CDH13: variants seen among roughly 807,000 people sequenced by gnomAD.
CDH13 encodes cadherin 13, also known as cadherin-13.
Under a neutral mutation model 63.8 loss-of-function variants are expected in CDH13, and 24 were observed. The observed-to-expected ratio is 0.38, with a 90% CI of 0.27 to 0.53. The LOEUF is 0.53. Among genes scored for constraint, CDH13 ranks in the 20% least tolerant of loss-of-function variants. The probability of loss-of-function intolerance (pLI) is 0.85; values close to 1 mark genes in which losing one functional copy is unlikely to be tolerated. For missense variants in CDH13, 1,049 were observed against 903.1 expected, an observed-to-expected ratio of 1.16 and a Z score of -2.07; for synonymous variants, 503 against 355.3, an observed-to-expected ratio of 1.42 and a Z score of -4.67.
intron 1 of CDH13, among the ~76,000 whole-genome samples, chr16:82,663,991 G>C (rs935619423): frequency 6.6e-6 from 1 of 152,128 alleles, no homozygotes; most frequent in Admixed American, 6.5e-5. Flanking sequence ...GACTCTTTTG[G>C]CTCCACTTCT....
chr16:83,211,226 A>G (rs1567509583), intron 4 of CDH13, among the ~76,000 whole-genome samples: 1 of 152,118 alleles, frequency 6.6e-6, no homozygotes, highest in South Asian at 2.1e-4. Flanking sequence ...ATAGTCAAGT[A>G]TCAGTGTTAA....
chr16:82,860,978 C>T (rs368962148), intron 2 of CDH13, among the ~76,000 whole-genome samples: 2 of 152,140 alleles, frequency 1.3e-5, no homozygotes, highest in East Asian at 3.9e-4. Context: ...AAACAAAAAC[C>T]TTCTGTCTCT....
intron 5 of CDH13, among the ~76,000 whole-genome samples, chr16:83,337,652 C>CTTTTTTTATTTTTTTTT: frequency 1.7e-5 from 1 of 57,530 alleles, no homozygotes; most frequent in Non-Finnish European, 3.4e-5. Context: ...TTTTTTTTTG[C>CTTTTTTTATTTTTTTTT]TTTTCAGAAA....
intron 10 of CDH13, among the ~76,000 whole-genome samples, chr16:83,713,496 C>T (rs977205344): frequency 7.4e-5 from 11 of 149,414 alleles, no homozygotes; most frequent in African/African-American, 2.7e-4. Context: ...CATCTCTCAA[C>T]TTTTCTCGTC....
At chr16:83,538,298 C>T (rs1193484349) in intron 7 of CDH13, among the ~76,000 whole-genome samples, 3 of 152,156 alleles carry the variant, frequency 2.0e-5, no homozygotes, top group Admixed American at 1.3e-4. Context: ...TTTTGGTTTA[C>T]ACCGTTTCCC....
At chr16:83,360,907 A>G (rs2091149600) in intron 6 of CDH13, among the ~76,000 whole-genome samples, 1 of 152,248 alleles carries the variant, frequency 6.6e-6, no homozygotes, top group African/African-American at 2.4e-5. Flanking sequence ...TAGTGCTGCA[A>G]CAAACATATG....
rs1217943346 is a variant in CDH13 at position 82,794,830 on chromosome 16, T to C, written c.46-63532T>C. Among the ~76,000 whole-genome samples, 4 of 152,198 alleles carry C rather than the reference T, an allele frequency of 2.6e-5. No individual in the cohort carries two copies. In the South Asian group the frequency reaches 8.3e-4, roughly 32 times the overall value. On this transcript the variant is annotated intron_variant, in intron 1 of 13. Coordinates refer to ENST00000567109, the MANE Select transcript of CDH13 (RefSeq NM_001257.5). ...CTACTTTGGTTCCTTGGAGGCTGAT[T>C]CTTCTGCCTGAATTCCTCTCACAGA...
At position 83,318,490 on chromosome 16, in the gene CDH13, T is replaced by A. The variant is rs116330277; in HGVS notation, c.637-26372T>A. On this transcript the variant is annotated intron_variant, in intron 5 of 13. Coordinates refer to ENST00000567109, the MANE Select transcript of CDH13 (RefSeq NM_001257.5). Reference sequence around the variant, plus strand: ...CAATCATAATCTTCTAAGGTTTGATTTGAATGAAAGATCCCACATGAAACC... The same window carrying A: ...CAATCATAATCTTCTAAGGTTTGATATGAATGAAAGATCCCACATGAAACC... Among the ~76,000 whole-genome samples, 528 of 152,334 alleles carry A rather than the reference T, an allele frequency of 3.5e-3. 3 individuals are homozygous for A. Among genetic ancestry groups the A allele is most frequent in the African/African-American group, 0.012 (499 of 41,574 alleles).
At chr16:83,000,481 C>CACACCTG (rs1310180640) in intron 2 of CDH13, among the ~76,000 whole-genome samples, 2 of 150,536 alleles carry the variant, frequency 1.3e-5, no homozygotes. Flanking sequence ...CTACTGACCT[C>CACACCTG]AGGTGATCCA....
intron 2 of CDH13, among the ~76,000 whole-genome samples, chr16:82,974,358 T>C (rs1243498680): frequency 6.6e-6 from 1 of 152,186 alleles, no homozygotes. Flanking sequence ...CCATGTAGAA[T>C]GCCCACATTG....
intron 2 of CDH13, chr16:82,884,391 T>G: frequency 2.9e-6 from 1 of 346,440 alleles, no homozygotes. Flanking sequence ...AGTAACAAAA[T>G]GAGACTCCTT....
chr16:83,698,740 A>G (rs115463297), intron 10 of CDH13, among the ~76,000 whole-genome samples: 119 of 152,294 alleles, frequency 7.8e-4, no homozygotes, highest in African/African-American at 2.8e-3. Context: ...CTTGCCCTGT[A>G]TTGTCTTCTG....
intron 7 of CDH13, among the ~76,000 whole-genome samples, chr16:83,522,898 T>A (rs2074873254): frequency 6.6e-6 from 1 of 152,198 alleles, no homozygotes; most frequent in Admixed American, 6.5e-5. Context: ...TAGTGGCTCT[T>A]CCCAGTGTGA....
chr16:83,698,257 C>G (rs1905684102), intron 10 of CDH13, among the ~76,000 whole-genome samples: 1 of 152,238 alleles, frequency 6.6e-6, no homozygotes, highest in African/African-American at 2.4e-5. Context: ...GGATTTCCAT[C>G]AGGGACTGAC....
chr16:83,143,299 T>C (rs746548194), intron 4 of CDH13, among the ~76,000 whole-genome samples: 2 of 152,222 alleles, frequency 1.3e-5, no homozygotes, highest in African/African-American at 2.4e-5. Flanking sequence ...ATTAAATGGA[T>C]AAAATGATAA....
intron 3 of CDH13, 99 bp from the exon 4 acceptor site, chr16:83,125,286 C>T: frequency 2.9e-6 from 2 of 684,730 alleles, no homozygotes; most frequent in Non-Finnish European, 2.6e-6. Flanking sequence ...ACTTTCCAAA[C>T]AGCTGTATGC....
intron 2 of CDH13, among the ~76,000 whole-genome samples, chr16:82,891,341 A>G (rs771609672): frequency 1.3e-4 from 20 of 152,168 alleles, no homozygotes; most frequent in Non-Finnish European, 2.2e-4. Context: ...TTTTATCTGC[A>G]CTGCATTTTA....
At chr16:83,353,167 G>C (rs11864066) in intron 6 of CDH13, among the ~76,000 whole-genome samples, 80,394 of 152,184 alleles carry the variant, frequency 0.53, 23,627 homozygotes, top group African/African-American at 0.81. Flanking sequence ...CAAGACGTCA[G>C]CACTCTGCCA....
intron 5 of CDH13, among the ~76,000 whole-genome samples, chr16:83,290,374 G>C (rs753608169): frequency 6.6e-6 from 1 of 152,078 alleles, no homozygotes; most frequent in Non-Finnish European, 1.5e-5. Context: ...GGAGGTAATT[G>C]AATCACGGGG....
Sources: gnomAD v4.1 joint callset for allele counts (sites outside exome capture counted in the v4.1 genomes callset) on GRCh38, gnomAD v4.1.1 for gene constraint, MANE v1.5 for transcripts, NCBI Gene and HGNC (gene_info 2026-07-23, HGNC 2026-07-21) for gene names.